RAPGEF4: variants seen among roughly 807,000 people sequenced by gnomAD.
RAPGEF4 encodes the protein RAP guanine-nucleotide-exchange factor (GEF) 4.
In RAPGEF4, 66 loss-of-function variants were observed where a neutral mutation model predicts 147.9. That is an observed-to-expected ratio of 0.45 (90% CI 0.37 to 0.55). The LOEUF (loss-of-function observed/expected upper bound fraction) is 0.55. Ranked by LOEUF, RAPGEF4 falls within the 20% of genes least tolerant of loss-of-function variation. The probability of loss-of-function intolerance (pLI) is 0.00; values close to 1 mark genes in which losing one functional copy is unlikely to be tolerated. For synonymous variants in RAPGEF4, 419 were observed against 442.7 expected (o/e 0.95, Z 0.67); for missense variants, 1,071 against 1,257.3 (o/e 0.85, Z 2.24).
chr2:173,018,720 G>C lies in RAPGEF4; in HGVS notation c.2073G>C (p.Ser691=). 3.7e-6 allele frequency: 6 copies of C among 1,614,066 alleles called. No homozygotes were observed. The highest frequency in any genetic ancestry group is 5.1e-6 in the Non-Finnish European group (6 of 1,180,002). The change falls in exon 22 of 31, where the codon TCG becomes TCC. Residue 691 remains serine (S), a synonymous_variant. Transcript: ENST00000397081. The part of the protein sequence containing the change: ...YTTIRVPVAT[S]VKEVISAVAD... The stretch of plus-strand genomic sequence containing the variant: ...CCATTCGGGTGCCAGTGGCCACTTC[G>C]GTGAAGGAAGTCATCAGTGCAGTTG...
chr2:173,032,033 G>A (rs570106903), intron 26 of RAPGEF4, among the ~76,000 whole-genome samples: 9 of 152,132 alleles, frequency 5.9e-5, no homozygotes, highest in South Asian at 4.2e-4. Flanking sequence ...GAACAGCCAC[G>A]GAATAAAATA....
chr2:172,971,044 A>C (rs1690423809), intron 10 of RAPGEF4, among the ~76,000 whole-genome samples: 1 of 152,194 alleles, frequency 6.6e-6, no homozygotes, highest in African/African-American at 2.4e-5. Flanking sequence ...TAAATCTAAA[A>C]ACAAGAGGTT....
intron 1 of RAPGEF4, among the ~76,000 whole-genome samples, chr2:172,754,305 G>T (rs115995926): frequency 6.6e-6 from 1 of 152,208 alleles, no homozygotes; most frequent in African/African-American, 2.4e-5. Flanking sequence ...TACAGATCAT[G>T]TGGCTTAAGT....
intron 29 of RAPGEF4, among the ~76,000 whole-genome samples, chr2:173,043,837 G>A (rs1229400810): frequency 6.6e-6 from 1 of 152,226 alleles, no homozygotes; most frequent in Non-Finnish European, 1.5e-5. Flanking sequence ...TGGGATGCCG[G>A]CCTCAGAGCC....
At chr2:172,975,931 G>T (rs976367289) in intron 10 of RAPGEF4, among the ~76,000 whole-genome samples, 3 of 152,166 alleles carry the variant, frequency 2.0e-5, no homozygotes, top group African/African-American at 7.2e-5. Flanking sequence ...CTGGAAGAAT[G>T]CTGGGCATAT....
Position 173,018,778 on chromosome 2 carries a change from A to G in RAPGEF4, c.2131A>G (p.Ile711Val). 6.2e-7 allele frequency: 1 copy of G among 1,613,964 alleles called. No individual in the cohort carries two copies. Among genetic ancestry groups the G allele is most frequent in the South Asian group, 1.1e-5 (1 of 91,042 alleles). ...DKLGSGEGLI[I>V]VKMSSGGEKV... ...GCTGGGCTCCGGGGAGGGCCTGATCATAGTCAAGATGAGTTCCGGAGGAGG... is the reference window on the plus strand; with the variant it reads ...GCTGGGCTCCGGGGAGGGCCTGATCGTAGTCAAGATGAGTTCCGGAGGAGG... Residue 711 changes from isoleucine to valine, a missense_variant, in exon 22 of 31, where the codon ATA becomes GTA. Coordinates refer to ENST00000397081, the MANE Select transcript of RAPGEF4 (RefSeq NM_007023.4).
At chr2:172,948,990 C>T (rs561658409) in intron 6 of RAPGEF4, among the ~76,000 whole-genome samples, 1 of 152,244 alleles carries the variant, frequency 6.6e-6, no homozygotes, top group South Asian at 2.1e-4. Context: ...TATCTTCTGT[C>T]CAACCTAAAA....
Position 173,030,174 on chromosome 2 carries a change from TATAAAAATCTGA to T in RAPGEF4, c.2572_2583del (p.Lys858_Asn861del). On this transcript the variant is annotated inframe_deletion, in exon 26 of 31. Transcript: ENST00000397081. ...TCTCCTGTGTTTCAGCTGTAAGGAG[TATAAAAATCTGA>T]ATTCCTTTTTTGCCATCGTCATGGG... is the stretch of plus-strand genomic sequence containing the variant. The T allele has an allele frequency of 1.9e-6, 3 of 1,610,900 alleles. No homozygotes were observed. Among genetic ancestry groups the T allele is most frequent in the Non-Finnish European group, 2.5e-6 (3 of 1,177,092 alleles).
chr2:172,744,569 C>G (rs1330020913), intron 1 of RAPGEF4: 1 of 291,076 alleles, frequency 3.4e-6, no homozygotes, highest in African/African-American at 2.2e-5. Context: ...TTATTTGGTT[C>G]TAGTAGTTAC....
intron 4 of RAPGEF4, among the ~76,000 whole-genome samples, chr2:172,853,879 TG>T (rs373646904): frequency 0.48 from 73,068 of 151,514 alleles, 17,948 homozygotes; most frequent in African/African-American, 0.58. Context: ...AATTAAATTG[TG>T]GTCCGAAAAC....
intron 1 of RAPGEF4, among the ~76,000 whole-genome samples, chr2:172,769,008 G>A (rs112815151): frequency 9.8e-4 from 149 of 152,312 alleles, no homozygotes; most frequent in Admixed American, 3.7e-3. Context: ...GGGCAAGGAC[G>A]TGGGATCACC....
At chr2:172,816,723 C>G (rs1205431470) in intron 4 of RAPGEF4, among the ~76,000 whole-genome samples, 3 of 152,152 alleles carry the variant, frequency 2.0e-5, no homozygotes, top group Non-Finnish European at 2.9e-5. Context: ...TTTGTGATCT[C>G]CCTTGCCAGT....
At chr2:172,998,965 T>C (rs1693635752) in intron 16 of RAPGEF4, among the ~76,000 whole-genome samples, 1 of 152,246 alleles carries the variant, frequency 6.6e-6, no homozygotes, top group African/African-American at 2.4e-5. Context: ...TCAAGTCACC[T>C]CTAAAAGAGA....
chr2:172,831,284 T>TTTTTTTTTTTTTTTTTTTTTTA lies in RAPGEF4; in HGVS notation c.444+16860_444+16861insTTTTTTTTTTTTTTTTTTTTAT, dbSNP rs1374227836. 1.4e-5 allele frequency among the ~76,000 whole-genome samples: 2 copies of TTTTTTTTTTTTTTTTTTTTTTA among 142,928 alleles called. 1 individual carries two copies. The highest frequency in any genetic ancestry group is 3.1e-5 in the Non-Finnish European group (2 of 65,472). The allele number at this position is 142,928 out of a possible 152,430, so 93.8% of individuals were successfully genotyped here. A position where few individuals can be genotyped will look rare whatever the true frequency, so the allele number is the denominator to read the frequency against. On this transcript the variant is annotated intron_variant, in intron 4 of 30. Coordinates refer to ENST00000397081, the MANE Select transcript of RAPGEF4 (RefSeq NM_007023.4). The stretch of plus-strand genomic sequence containing the variant: ...TAGAAAACTTTTTTTTTTTTTTTTT[T>TTTTTTTTTTTTTTTTTTTTTTA]TGAGACAGAGTTTTGCTCTTGTTGC...
chr2:172,885,391 G>C (rs962143068), intron 4 of RAPGEF4, among the ~76,000 whole-genome samples: 2 of 152,198 alleles, frequency 1.3e-5, no homozygotes, highest in Non-Finnish European at 2.9e-5. Flanking sequence ...CTTAAGCTAA[G>C]ACAGAATTGT....
At chr2:172,883,132 G>A (rs1033347610) in intron 4 of RAPGEF4, among the ~76,000 whole-genome samples, 2 of 152,202 alleles carry the variant, frequency 1.3e-5, no homozygotes, top group Admixed American at 6.5e-5. Flanking sequence ...TTACCTTAGG[G>A]CTAGACTTTG....
chr2:172,793,506 G>C (rs1353479654), intron 1 of RAPGEF4, among the ~76,000 whole-genome samples: 1 of 152,142 alleles, frequency 6.6e-6, no homozygotes, highest in Non-Finnish European at 1.5e-5. Context: ...ATTCATGGGA[G>C]CACATGGCTA....
intron 10 of RAPGEF4, among the ~76,000 whole-genome samples, chr2:172,976,953 C>T (rs1691140011): frequency 6.6e-6 from 1 of 152,212 alleles, no homozygotes; most frequent in African/African-American, 2.4e-5. Context: ...GAAACTAGGC[C>T]TTTCCACAGC....
chr2:173,024,242 G>T (rs1696424670), intron 23 of RAPGEF4, among the ~76,000 whole-genome samples: 1 of 134,544 alleles, frequency 7.4e-6, no homozygotes, highest in Non-Finnish European at 1.6e-5. Flanking sequence ...TTTTGAGACG[G>T]AGTCTCGCTC....
Sources: allele counts gnomAD v4.1 joint callset (sites outside exome capture counted in the v4.1 genomes callset), GRCh38; gene constraint gnomAD v4.1.1; transcripts MANE v1.5; gene names NCBI Gene and HGNC (gene_info 2026-07-23, HGNC 2026-07-21).